The following RNF217 variants were observed in gnomAD, a reference collection of about 807,000 sequenced individuals.
RNF217 encodes the protein E3 ubiquitin-protein ligase RNF217.
Under a neutral mutation model 57.8 loss-of-function variants are expected in RNF217, and 31 were observed. That is an observed-to-expected ratio of 0.54 (90% CI 0.40 to 0.72). The LOEUF (loss-of-function observed/expected upper bound fraction) is 0.72, where lower values mean the gene tolerates loss of function less well. Among genes scored for constraint, RNF217 ranks in the 30% least tolerant of loss-of-function variants. The probability of loss-of-function intolerance (pLI) is 0.00; values close to 1 mark genes in which losing one functional copy is unlikely to be tolerated. For synonymous variants in RNF217, 313 were observed against 294.0 expected (o/e 1.06, Z -0.66); for missense variants, 696 against 708.3 (o/e 0.98, Z 0.20).
intron 1 of RNF217, among the ~76,000 whole-genome samples, chr6:124,976,739 A>T (rs976151996): frequency 5.3e-5 from 8 of 151,444 alleles, no homozygotes; most frequent in Admixed American, 2.0e-4. Context: ...TCCTGGCCTC[A>T]AGTGATCCAC....
At chr6:125,002,661 G>A (rs1401252188) in intron 1 of RNF217, among the ~76,000 whole-genome samples, 1 of 152,094 alleles carries the variant, frequency 6.6e-6, no homozygotes, top group Non-Finnish European at 1.5e-5. Flanking sequence ...CCTGTTTGAA[G>A]TCTTGCTAGG....
At chr6:124,987,101 A>T (rs1210923279) in intron 1 of RNF217, among the ~76,000 whole-genome samples, 1 of 152,154 alleles carries the variant, frequency 6.6e-6, no homozygotes, top group African/African-American at 2.4e-5. Flanking sequence ...ACGATTCTTT[A>T]GATTCATCTC....
chr6:124,962,896 A>C lies in RNF217; in HGVS notation c.352A>C (p.Lys118Gln), dbSNP rs1349127324. The C allele has an allele frequency of 2.5e-6, 4 of 1,597,902 alleles. No individual in the cohort carries two copies. The highest frequency in any genetic ancestry group is 3.4e-6 in the Non-Finnish European group (4 of 1,179,654). The change falls in exon 1 of 6, where the codon AAA (lysine) becomes CAA (glutamine). Residue 118 changes from lysine (K) to glutamine (Q), a missense_variant. Transcript: ENST00000521654. The surrounding 1 kb of genome is among the most constrained non-coding windows in gnomAD (Gnocchi z 4.6). ...EEEEEEAGDR[K>Q]EGGDEQQEAP... ...GGAAGAGGAGGAAGCTGGGGATCGA[A>C]AAGAGGGAGGGGATGAACAGCAGGA...
At chr6:125,009,134 C>A (rs1785319288) in intron 1 of RNF217, 3 of 1,271,290 alleles carry the variant, frequency 2.4e-6, no homozygotes, top group Non-Finnish European at 3.2e-6. Flanking sequence ...GGGATTTGTT[C>A]TTTGACCTTT....
At chr6:125,063,495 C>T (rs781296984) in intron 3 of RNF217, among the ~76,000 whole-genome samples, 1 of 152,102 alleles carries the variant, frequency 6.6e-6, no homozygotes, top group Non-Finnish European at 1.5e-5. Context: ...GTGGTGTTAT[C>T]ACAGTAATAA....
chr6:125,026,952 T>A (rs537678261), intron 1 of RNF217, among the ~76,000 whole-genome samples: 21 of 152,130 alleles, frequency 1.4e-4, no homozygotes, highest in Non-Finnish European at 1.2e-4. Context: ...ATGTTTATTA[T>A]ATTTGTTGAA....
intron 1 of RNF217, among the ~76,000 whole-genome samples, chr6:124,981,814 A>G (rs368229344): frequency 6.6e-6 from 1 of 151,586 alleles, no homozygotes; most frequent in African/African-American, 2.4e-5. Context: ...GTCAAGAGAT[A>G]GAGACCATCC....
At chr6:125,034,641 C>CT (rs1254913112) in intron 1 of RNF217, among the ~76,000 whole-genome samples, 2 of 152,132 alleles carry the variant, frequency 1.3e-5, no homozygotes, top group Non-Finnish European at 2.9e-5. Context: ...ATGCCTCCAG[C>CT]TTTGTTCTTT....
At chr6:125,034,843 T>C (rs1786534610) in intron 1 of RNF217, among the ~76,000 whole-genome samples, 1 of 152,086 alleles carries the variant, frequency 6.6e-6, no homozygotes, top group Non-Finnish European at 1.5e-5. Context: ...GGAATGTTCT[T>C]CCATTTGTTT....
chr6:125,064,799 T>C (rs1011097041), intron 3 of RNF217, among the ~76,000 whole-genome samples: 2 of 152,138 alleles, frequency 1.3e-5, no homozygotes, highest in African/African-American at 4.8e-5. Flanking sequence ...TCTATACTTG[T>C]ATGTATATAC....
rs201289522 is a variant in RNF217, at chr6:125,018,313, CA to C, written c.883-26897del. Among the ~76,000 whole-genome samples, 1,025 of 152,136 alleles carry C rather than the reference CA, an allele frequency of 6.7e-3. 16 individuals carry two copies. The highest frequency in any genetic ancestry group is 0.024 in the African/African-American group (980 of 41,506). ...TAAGATCAGGTGACTAATGGAAATCCAGGGGGCACTGGTATTGAGCAAGAAA... is the reference window on the plus strand; with the variant it reads ...TAAGATCAGGTGACTAATGGAAATCCGGGGGCACTGGTATTGAGCAAGAAA... On this transcript the variant is annotated intron_variant, in intron 1 of 5. Transcript: ENST00000521654.
chr6:125,029,249 T>C (rs939648768), intron 1 of RNF217, among the ~76,000 whole-genome samples: 2 of 152,160 alleles, frequency 1.3e-5, no homozygotes, highest in Non-Finnish European at 2.9e-5. Flanking sequence ...GAGTTTGTTT[T>C]CTCCCTATTT....
At chr6:125,057,510 A>C (rs1365297205) in intron 2 of RNF217, among the ~76,000 whole-genome samples, 1 of 152,124 alleles carries the variant, frequency 6.6e-6, no homozygotes, top group Non-Finnish European at 1.5e-5. Context: ...TTGATGAAGC[A>C]TCTGTGGGGC....
At chr6:125,081,377 T>C in intron 4 of RNF217, 59 bp from the exon 5 acceptor site, 2 of 1,266,540 alleles carry the variant, frequency 1.6e-6, no homozygotes, top group Non-Finnish European at 2.3e-6. Flanking sequence ...AGCATCACTG[T>C]AATTATTTGG....
intron 3 of RNF217, among the ~76,000 whole-genome samples, chr6:125,065,560 C>T (rs964093845): frequency 2.6e-5 from 4 of 152,198 alleles, no homozygotes; most frequent in South Asian, 2.1e-4. Flanking sequence ...GGCATGAGAG[C>T]ACCTGTTGAG....
intron 3 of RNF217, 52 bp downstream of exon 3, chr6:125,058,158 T>C: frequency 6.8e-7 from 1 of 1,473,038 alleles, no homozygotes; most frequent in Non-Finnish European, 9.2e-7. Context: ...TGGATGTGAC[T>C]GAACAATATT....
At chr6:125,056,366 T>G (rs1204247627) in intron 2 of RNF217, among the ~76,000 whole-genome samples, 1 of 152,214 alleles carries the variant, frequency 6.6e-6, no homozygotes, top group Non-Finnish European at 1.5e-5. Flanking sequence ...AAATAATGCA[T>G]GTAATATATT....
intron 1 of RNF217, among the ~76,000 whole-genome samples, chr6:124,999,947 T>C (rs1483738805): frequency 6.6e-6 from 1 of 152,216 alleles, no homozygotes; most frequent in Non-Finnish European, 1.5e-5. Flanking sequence ...ATCAGTTTAA[T>C]GAACAATATT....
At chr6:125,029,671 T>A (rs115662489) in intron 1 of RNF217, among the ~76,000 whole-genome samples, 2 of 152,320 alleles carry the variant, frequency 1.3e-5, no homozygotes, top group African/African-American at 4.8e-5. Context: ...GGTAAAAATG[T>A]AGAACGTGCA....
Sources: gnomAD v4.1 joint callset for allele counts (sites outside exome capture counted in the v4.1 genomes callset) on GRCh38, gnomAD v4.1.1 for gene constraint, Gnocchi (gnomAD v3.1) non-coding constraint, MANE v1.5 for transcripts, NCBI Gene and HGNC (gene_info 2026-07-23, HGNC 2026-07-21) for gene names.